Variants in LUZP2 observed in about 807,000 individuals in gnomAD.
LUZP2 encodes leucine zipper protein 2.
Under a neutral mutation model 51.6 loss-of-function variants are expected in LUZP2, and 52 were observed. The observed-to-expected ratio is 1.01, with a 90% CI of 0.81 to 1.27. The LOEUF is 1.27. Among genes scored for constraint, LUZP2 ranks in the 50% most tolerant of loss-of-function variants. The pLI is 0.00. For synonymous variants in LUZP2, 154 were observed against 137.3 expected, an observed-to-expected ratio of 1.12 and a Z score of -0.85; for missense variants, 436 against 395.4, an observed-to-expected ratio of 1.10 and a Z score of -0.87.
At chr11:24,754,503 G>T (rs559257809) in intron 4 of LUZP2, among the ~76,000 whole-genome samples, 362 of 152,258 alleles carry the variant, frequency 2.4e-3, no homozygotes, top group African/African-American at 7.0e-3. Context: ...TATCAACAGG[G>T]TTACATGAGG....
At chr11:24,887,274 G>T (rs1170533125) in intron 5 of LUZP2, among the ~76,000 whole-genome samples, 1 of 152,126 alleles carries the variant, frequency 6.6e-6, no homozygotes, top group Non-Finnish European at 1.5e-5. Flanking sequence ...AATTCAAAAG[G>T]TTTTCTACTT....
intron 5 of LUZP2, among the ~76,000 whole-genome samples, chr11:24,894,685 A>C (rs1254279515): frequency 9.6e-6 from 1 of 104,684 alleles, no homozygotes; most frequent in African/African-American, 3.6e-5. Flanking sequence ...ACTCCCTCTT[A>C]TACACGACAA....
chr11:24,581,912 A>G (rs7101544), intron 1 of LUZP2, among the ~76,000 whole-genome samples: 58,319 of 151,744 alleles, frequency 0.38, 11,403 homozygotes, highest in Middle Eastern at 0.51. Flanking sequence ...CAGGTCACTG[A>G]TGGAGCAAAT....
At chr11:24,923,918 TTAAG>T (rs1854149314) in intron 7 of LUZP2, among the ~76,000 whole-genome samples, 2 of 152,100 alleles carry the variant, frequency 1.3e-5, no homozygotes, top group African/African-American at 4.8e-5. Context: ...TTACTTTATC[TTAAG>T]TAAAAATGCA....
intron 7 of LUZP2, among the ~76,000 whole-genome samples, chr11:24,931,384 C>T (rs1854447691): frequency 6.6e-6 from 1 of 152,042 alleles, no homozygotes; most frequent in Non-Finnish European, 1.5e-5. Context: ...GGATGGGTTG[C>T]CCCTCCACAC....
chr11:24,647,574 C>T (rs961100354), intron 1 of LUZP2, among the ~76,000 whole-genome samples: 4 of 151,824 alleles, frequency 2.6e-5, no homozygotes, highest in Non-Finnish European at 5.9e-5. Context: ...ATATATGAAA[C>T]ATTTTACTAA....
At chr11:24,614,139 T>G (rs1831583633) in intron 1 of LUZP2, among the ~76,000 whole-genome samples, 1 of 152,016 alleles carries the variant, frequency 6.6e-6, no homozygotes, top group African/African-American at 2.4e-5. Context: ...GGATTCTACC[T>G]TTAAAACCTC....
chr11:25,044,010 C>CTACATATATCTGATATATATAGTCTA (rs1565272998), intron 9 of LUZP2, among the ~76,000 whole-genome samples: 1 of 109,286 alleles, frequency 9.2e-6, no homozygotes, highest in East Asian at 3.4e-4. Flanking sequence ...GATATATAGT[C>CTACATATATCTGATATATATAGTCTA]TATATATATC....
At chr11:25,030,962 A>AT (rs1395052997) in intron 9 of LUZP2, among the ~76,000 whole-genome samples, 1 of 1,420 alleles carries the variant, frequency 7.0e-4, no homozygotes, top group Non-Finnish European at 1.0e-3. Flanking sequence ...TATATAATAC[A>AT]ATATATATTA....
At chr11:24,758,422 A>C (rs1180634713) in intron 4 of LUZP2, among the ~76,000 whole-genome samples, 1 of 152,000 alleles carries the variant, frequency 6.6e-6, no homozygotes, top group African/African-American at 2.4e-5. Flanking sequence ...ATCTAGGGAA[A>C]GATTAATATC....
intron 5 of LUZP2, among the ~76,000 whole-genome samples, chr11:24,845,737 C>T (rs1851178458): frequency 1.4e-5 from 2 of 148,052 alleles, no homozygotes; most frequent in Admixed American, 6.8e-5. Context: ...AGTTTTCCTG[C>T]ACAAGCTCTC....
intron 1 of LUZP2, among the ~76,000 whole-genome samples, chr11:24,499,661 G>T (rs1285647981): frequency 1.3e-5 from 2 of 152,140 alleles, no homozygotes; most frequent in African/African-American, 2.4e-5. Context: ...ATTAGCAGGT[G>T]GTGGTAATTG....
intron 1 of LUZP2, among the ~76,000 whole-genome samples, chr11:24,530,762 CTTTT>C (rs367857815): frequency 8.0e-5 from 6 of 75,386 alleles, no homozygotes; most frequent in African/African-American, 2.6e-4. Flanking sequence ...CTTCTTCTTA[CTTTT>C]TTTTTTTTTT....
Position 25,071,516 on chromosome 11 carries a change from T to C in LUZP2, c.859-5813T>C, listed in dbSNP as rs571244717. Among the ~76,000 whole-genome samples the C allele has an allele frequency of 2.7e-3, 413 of 152,184 alleles. 1 individual carries two copies. The highest frequency in any genetic ancestry group is 1.0e-2 in the South Asian group (48 of 4,820). On this transcript the variant is annotated intron_variant, in intron 10 of 11. Coordinates refer to ENST00000336930, the MANE Select transcript of LUZP2 (RefSeq NM_001009909.4). ...AAGTGCTTCATTGATCATAAACTTA[T>C]CAATGAAGCACCTACATTTGAAAAG...
At chr11:24,521,259 G>A (rs542784728) in intron 1 of LUZP2, among the ~76,000 whole-genome samples, 4 of 147,700 alleles carry the variant, frequency 2.7e-5, no homozygotes, top group African/African-American at 7.6e-5. Flanking sequence ...ACTGAAGCAG[G>A]AGAATTGCTT....
chr11:24,749,560 ACAG>A, intron 4 of LUZP2, among the ~76,000 whole-genome samples: 1 of 152,312 alleles, frequency 6.6e-6, no homozygotes, highest in Non-Finnish European at 1.5e-5. Context: ...AGCTGTCAGC[ACAG>A]CTGGACCAAA....
intron 7 of LUZP2, among the ~76,000 whole-genome samples, chr11:24,958,356 G>T (rs960502253): frequency 3.1e-4 from 47 of 152,162 alleles, no homozygotes; most frequent in African/African-American, 9.6e-4. Flanking sequence ...TGAACTAGTT[G>T]ACAGTCCCAC....
chr11:24,866,821 G>C (rs1851913255), intron 5 of LUZP2, among the ~76,000 whole-genome samples: 1 of 152,076 alleles, frequency 6.6e-6, no homozygotes, highest in Non-Finnish European at 1.5e-5. Flanking sequence ...TAGAATGGGA[G>C]GAAGTGGAAA....
chr11:24,699,021 C>T (rs540503591), intron 1 of LUZP2, among the ~76,000 whole-genome samples: 2 of 151,874 alleles, frequency 1.3e-5, no homozygotes, highest in Admixed American at 1.3e-4. Context: ...TGCCCCATTG[C>T]ACTCTATCCT....
Sources: gnomAD v4.1 joint callset for allele counts (sites outside exome capture counted in the v4.1 genomes callset) on GRCh38, gnomAD v4.1.1 for gene constraint, MANE v1.5 for transcripts, NCBI Gene and HGNC (gene_info 2026-07-23, HGNC 2026-07-21) for gene names.